The following RSU1 variants were observed in gnomAD, a reference collection of about 807,000 sequenced individuals.
RSU1 encodes the protein Ras suppressor protein 1, also known as rsu-1.
Under a neutral mutation model 31.1 loss-of-function variants are expected in RSU1, and 26 were observed. That is an observed-to-expected ratio of 0.84 (90% CI 0.61 to 1.16). The LOEUF is 1.16. Ranked by LOEUF, RSU1 falls within the 50% of genes most tolerant of loss-of-function variation. The pLI, the probability that RSU1 is intolerant of heterozygous loss-of-function variation, is 0.00. For synonymous variants in RSU1, 164 were observed against 136.3 expected (o/e 1.20, Z -1.41); for missense variants, 320 against 339.1 (o/e 0.94, Z 0.44).
chr10:16,695,030 A>T lies in RSU1; in HGVS notation c.724T>A (p.Tyr242Asn). The T allele has an allele frequency of 6.2e-7, 1 of 1,610,034 alleles. No homozygotes were observed. Among genetic ancestry groups the T allele is most frequent in the Non-Finnish European group, 8.5e-7 (1 of 1,178,330 alleles). The change falls in exon 8 of 9, where the codon TAC (tyrosine) becomes AAC (asparagine). Residue 242 changes from tyrosine (Y) to asparagine (N), a missense_variant. Tyr to Asn is a moderately radical substitution (Grantham distance 143). Transcript: ENST00000345264. Reference sequence around the variant, plus strand: ...AAATCAGAGTCTACTTACTATTTGTATGTCTCAGAACGGATATACTCAAAA... The same window carrying T: ...AAATCAGAGTCTACTTACTATTTGTTTGTCTCAGAACGGATATACTCAAAA... ...HVFEYIRSETYKYLYGRHMQA... is the reference protein window; with the variant it reads ...HVFEYIRSETNKYLYGRHMQA...
At chr10:16,625,604 C>G (rs1352582932) in intron 8 of RSU1, among the ~76,000 whole-genome samples, 2 of 152,164 alleles carry the variant, frequency 1.3e-5, no homozygotes, top group African/African-American at 4.8e-5. Flanking sequence ...ACTGAGTGAC[C>G]CACATCAATG....
At chr10:16,759,818 T>C (rs991272013) in intron 4 of RSU1, among the ~76,000 whole-genome samples, 5 of 152,234 alleles carry the variant, frequency 3.3e-5, no homozygotes, top group Non-Finnish European at 7.3e-5. Flanking sequence ...AATTCTCTCA[T>C]GTCTTACAAT....
chr10:16,676,388 C>T (rs1419691266), intron 8 of RSU1, among the ~76,000 whole-genome samples: 1 of 152,116 alleles, frequency 6.6e-6, no homozygotes, highest in Non-Finnish European at 1.5e-5. Flanking sequence ...CTTTATAAAA[C>T]CATCAGATCT....
chr10:16,694,381 A>G (rs1269255070), intron 8 of RSU1, among the ~76,000 whole-genome samples: 6 of 152,196 alleles, frequency 3.9e-5, no homozygotes, highest in Non-Finnish European at 7.3e-5. Flanking sequence ...TTTGTTCAGA[A>G]CACTTGTAAT....
At chr10:16,714,503 G>A (rs924059490) in intron 7 of RSU1, among the ~76,000 whole-genome samples, 1 of 152,196 alleles carries the variant, frequency 6.6e-6, no homozygotes, top group Non-Finnish European at 1.5e-5. Context: ...GATGCACCGC[G>A]CTTGGTGGGA....
At chr10:16,780,679 C>T (rs1416517880) in intron 3 of RSU1, among the ~76,000 whole-genome samples, 1 of 152,184 alleles carries the variant, frequency 6.6e-6, no homozygotes, top group Non-Finnish European at 1.5e-5. Flanking sequence ...TTACTGCTCA[C>T]AAATCTTGGG....
At chr10:16,604,139 C>T (rs751977168) in intron 8 of RSU1, among the ~76,000 whole-genome samples, 4 of 152,088 alleles carry the variant, frequency 2.6e-5, no homozygotes, top group African/African-American at 4.8e-5. Context: ...TGACTCTGGT[C>T]GGGGCAAGAG....
intron 8 of RSU1, among the ~76,000 whole-genome samples, chr10:16,597,939 T>A (rs1833649331): frequency 6.6e-6 from 1 of 152,196 alleles, no homozygotes; most frequent in African/African-American, 2.4e-5. Flanking sequence ...TAAGCGGCCA[T>A]AAGTGGCCGT....
At chr10:16,699,021 G>T (rs537209635) in intron 7 of RSU1, among the ~76,000 whole-genome samples, 1 of 151,962 alleles carries the variant, frequency 6.6e-6, no homozygotes, top group African/African-American at 2.4e-5. Flanking sequence ...GGTTCCCTGG[G>T]GAAAAAAAAG....
intron 7 of RSU1, among the ~76,000 whole-genome samples, chr10:16,709,102 G>A (rs546816153): frequency 1.1e-4 from 17 of 151,460 alleles, no homozygotes; most frequent in South Asian, 2.1e-4. Context: ...CCATTAACTC[G>A]TCATTTAGCA....
chr10:16,768,027 T>G (rs1242928286), intron 3 of RSU1, among the ~76,000 whole-genome samples: 1 of 152,258 alleles, frequency 6.6e-6, no homozygotes, highest in Admixed American at 6.5e-5. Context: ...ATCTACAGGA[T>G]GCATGAGCAA....
intron 2 of RSU1, among the ~76,000 whole-genome samples, chr10:16,804,110 A>G (rs11254200): frequency 0.052 from 7,916 of 152,318 alleles, 256 homozygotes; most frequent in African/African-American, 0.095. Context: ...AATATAAAAA[A>G]AAGACTTAAA....
intron 7 of RSU1, among the ~76,000 whole-genome samples, chr10:16,726,456 G>A (rs745933609): frequency 4.6e-5 from 7 of 151,786 alleles, no homozygotes; most frequent in Non-Finnish European, 8.8e-5. Context: ...TAGTAGAGAC[G>A]GGGTTTTACC....
intron 7 of RSU1, among the ~76,000 whole-genome samples, chr10:16,725,742 C>A (rs1836380437): frequency 6.6e-6 from 1 of 150,410 alleles, no homozygotes; most frequent in African/African-American, 2.5e-5. Context: ...GGCTTCCCAG[C>A]CCCCAGAATG....
chr10:16,791,727 T>C (rs375052410), intron 2 of RSU1, among the ~76,000 whole-genome samples: 1 of 152,144 alleles, frequency 6.6e-6, no homozygotes. Flanking sequence ...GTATCAGTAT[T>C]TGAAATAGGT....
chr10:16,635,812 C>A (rs559359929), intron 8 of RSU1, among the ~76,000 whole-genome samples: 4 of 152,352 alleles, frequency 2.6e-5, no homozygotes, highest in South Asian at 2.1e-4. Context: ...GCTTCTAGCC[C>A]CATTTCGTCA....
At chr10:16,705,663 A>G (rs1835884527) in intron 7 of RSU1, among the ~76,000 whole-genome samples, 1 of 151,798 alleles carries the variant, frequency 6.6e-6, no homozygotes, top group South Asian at 2.1e-4. Context: ...TAATTTTTGT[A>G]TTTTTTAGTA....
rs558624310 is a variant in RSU1 at position 16,645,037 on chromosome 10, A to G, written c.731+49986T>C. Among the ~76,000 whole-genome samples the G allele has an allele frequency of 3.5e-4, 54 of 152,236 alleles. No individual in the cohort carries two copies. In the Middle Eastern group the frequency reaches 0.017, roughly 48 times the overall value. ...CTTCCTCATATATCTTAAAGGGGGG[A>G]AAAAGCAGTCTTGTTGGAATGGGTC... On this transcript the variant is annotated intron_variant, in intron 8 of 8. Transcript: ENST00000345264.
At chr10:16,721,014 T>C (rs573673727) in intron 7 of RSU1, among the ~76,000 whole-genome samples, 7 of 151,918 alleles carry the variant, frequency 4.6e-5, no homozygotes, top group Admixed American at 6.6e-5. Flanking sequence ...AACAAACAAA[T>C]AAATAAATAA....
Sources: gnomAD v4.1 joint callset for allele counts (sites outside exome capture counted in the v4.1 genomes callset) on GRCh38, gnomAD v4.1.1 for gene constraint, MANE v1.5 for transcripts, NCBI Gene and HGNC (gene_info 2026-07-23, HGNC 2026-07-21) for gene names.